Variants in ANO3 observed in about 807,000 individuals in gnomAD.
ANO3 encodes anoctamin 3, also known as anoctamin-3.
ANO3 carries 99 observed loss-of-function variants against 144.8 expected under a neutral mutation model. That is an observed-to-expected ratio of 0.68 (90% CI 0.58 to 0.81). ANO3 has a LOEUF of 0.81. Among genes scored for constraint, ANO3 ranks in the 30% least tolerant of loss-of-function variants. The pLI is 0.00. For missense variants in ANO3, 905 were observed against 1,202.2 expected, an observed-to-expected ratio of 0.75 and a Z score of 3.66; for synonymous variants, 414 against 392.6, an observed-to-expected ratio of 1.05 and a Z score of -0.64.
At position 26,230,147 on chromosome 11, in the gene ANO3, A is replaced by C. The variant is rs1852359602; in HGVS notation, c.154+40817A>C. ...AGACACATATATTATAATGAGAAAA[A>C]TCATGGAAGTGGATAGTTCAACAAA... On this transcript the variant is annotated intron_variant, in intron 1 of 27. Coordinates refer to the ANO3 transcript ENST00000672621. Among the ~76,000 whole-genome samples the C allele has an allele frequency of 3.9e-5, 6 of 152,212 alleles. No individual in the cohort carries two copies. The South Asian group carries it at 1.2e-3, about 31-fold the overall frequency.
At chr11:26,471,665 G>A (rs1271268694) in intron 4 of ANO3, among the ~76,000 whole-genome samples, 1 of 151,052 alleles carries the variant, frequency 6.6e-6, no homozygotes, top group Non-Finnish European at 1.5e-5. Flanking sequence ...TATAGCAGAG[G>A]GCTAGGAAGT....
chr11:26,443,798 T>C lies in ANO3; in HGVS notation c.275T>C (p.Leu92Pro). 6.2e-7 allele frequency: 1 copy of C among 1,608,086 alleles called. No homozygotes were observed. Among genetic ancestry groups the C allele is most frequent in the Non-Finnish European group, 8.5e-7 (1 of 1,175,480 alleles). The change falls in exon 3 of 27, where the codon CTG becomes CCG. Residue 92 changes from leucine (L) to proline (P), a missense_variant. Coordinates refer to ENST00000256737, the MANE Select transcript of ANO3 (RefSeq NM_031418.4). ...NTEENKNDSV[L>P]RCSFADLSDF... ...GAGGAGAATAAAAACGACTCTGTGC[T>C]GAGATGTTCATTTGCTGACCTCAGC...
At chr11:26,318,059 GAGAAC>G (rs5790569) in intron 1 of ANO3, among the ~76,000 whole-genome samples, 49,314 of 151,568 alleles carry the variant, frequency 0.33, 8,873 homozygotes, top group Non-Finnish European at 0.41. Flanking sequence ...GTTGAACAAT[GAGAAC>G]ACATGGACAC....
At chr11:26,643,603 A>G (rs929294687) in intron 23 of ANO3, among the ~76,000 whole-genome samples, 1 of 152,094 alleles carries the variant, frequency 6.6e-6, no homozygotes, top group African/African-American at 2.4e-5. Flanking sequence ...TAAAAATACA[A>G]AATTAGCCGG....
intron 1 of ANO3, among the ~76,000 whole-genome samples, chr11:26,365,954 T>TTATATATATATA (rs1158168765): frequency 5.5e-5 from 3 of 54,390 alleles, no homozygotes; most frequent in African/African-American, 2.0e-4. Context: ...CATTTTTTCT[T>TTATATATATATA]TATATATATA....
chr11:26,267,739 C>T (rs891213753), intron 1 of ANO3, among the ~76,000 whole-genome samples: 1 of 152,070 alleles, frequency 6.6e-6, no homozygotes, highest in African/African-American at 2.4e-5. Flanking sequence ...CTTGCCTTTC[C>T]TTTTGCTCCT....
At chr11:26,571,621 G>A (rs1182331094) in intron 14 of ANO3, among the ~76,000 whole-genome samples, 1 of 151,956 alleles carries the variant, frequency 6.6e-6, no homozygotes, top group African/African-American at 2.4e-5. Context: ...AATACTTAAA[G>A]CAAAAACCTT....
intron 17 of ANO3, among the ~76,000 whole-genome samples, chr11:26,604,399 T>C (rs1193703489): frequency 1.3e-5 from 2 of 152,200 alleles, no homozygotes; most frequent in African/African-American, 4.8e-5. Context: ...ATACGGGCTC[T>C]TCTTTGGTTT....
intron 1 of ANO3, among the ~76,000 whole-genome samples, chr11:26,325,266 A>G (rs994445812): frequency 1.2e-4 from 19 of 152,150 alleles, no homozygotes; most frequent in African/African-American, 4.6e-4. Context: ...AGCTTGCAAT[A>G]ACTAAAAATA....
chr11:26,516,934 T>C lies in ANO3; in HGVS notation c.692+7T>C. The C allele has an allele frequency of 1.3e-6, 2 of 1,571,248 alleles. No homozygotes were observed. Among genetic ancestry groups the C allele is most frequent in the South Asian group, 2.3e-5 (2 of 88,648 alleles). ...ATATCAGGATGCCCTTCAGGTACTT[T>C]CAAATTTTACTTTATTTTATCTCAA... On this transcript the variant is annotated splice_region_variant and intron_variant, in intron 6 of 26. Coordinates refer to ENST00000256737, the MANE Select transcript of ANO3 (RefSeq NM_031418.4).
intron 14 of ANO3, among the ~76,000 whole-genome samples, chr11:26,577,096 C>A (rs180681623): frequency 6.6e-6 from 1 of 151,966 alleles, no homozygotes; most frequent in African/African-American, 2.4e-5. Flanking sequence ...GTGATAGGAG[C>A]CATTTCACAA....
chr11:26,409,794 G>T (rs1268337811), intron 1 of ANO3, among the ~76,000 whole-genome samples: 1 of 151,958 alleles, frequency 6.6e-6, no homozygotes, highest in African/African-American at 2.4e-5. Flanking sequence ...TAAGTGATGT[G>T]ACATCCTCCT....
chr11:26,451,233 G>A (rs1004179696), intron 3 of ANO3, among the ~76,000 whole-genome samples: 31 of 152,264 alleles, frequency 2.0e-4, no homozygotes, highest in Middle Eastern at 3.4e-3. Context: ...GACAGTGGGC[G>A]CAGGTCAGTG....
At chr11:26,321,283 G>C (rs118172266) in intron 1 of ANO3, among the ~76,000 whole-genome samples, 1 of 151,650 alleles carries the variant, frequency 6.6e-6, no homozygotes, top group African/African-American at 2.4e-5. Flanking sequence ...ATAGACTTCC[G>C]TAACATTTTT....
chr11:26,551,181 G>A (rs761998571), intron 12 of ANO3, among the ~76,000 whole-genome samples: 2 of 151,750 alleles, frequency 1.3e-5, no homozygotes, highest in Non-Finnish European at 2.9e-5. Flanking sequence ...CAAGTGAGTG[G>A]GTCCAAACAT....
At chr11:26,614,616 C>T (rs1331258725) in intron 17 of ANO3, among the ~76,000 whole-genome samples, 1 of 152,156 alleles carries the variant, frequency 6.6e-6, no homozygotes, top group Non-Finnish European at 1.5e-5. Context: ...AGCTACTCTC[C>T]AGACTGGATT....
chr11:26,284,977 G>C (rs11824276), intron 1 of ANO3, among the ~76,000 whole-genome samples: 9,122 of 152,206 alleles, frequency 0.06, 502 homozygotes, highest in African/African-American at 0.14. Flanking sequence ...TTTGGCATAG[G>C]TGATCTCTAA....
chr11:26,297,760 C>T (rs541248118), intron 1 of ANO3, among the ~76,000 whole-genome samples: 1 of 152,274 alleles, frequency 6.6e-6, no homozygotes, highest in South Asian at 2.1e-4. Flanking sequence ...CTTCCAAGAA[C>T]TCCATGTGTA....
chr11:26,286,707 A>C (rs1203832910), intron 1 of ANO3, among the ~76,000 whole-genome samples: 1 of 152,150 alleles, frequency 6.6e-6, no homozygotes, highest in African/African-American at 2.4e-5. Flanking sequence ...AGTAATTGGC[A>C]ATGCGGGTGG....
Sources: gnomAD v4.1 joint callset for allele counts (sites outside exome capture counted in the v4.1 genomes callset) on GRCh38, gnomAD v4.1.1 for gene constraint, MANE v1.5 for transcripts, NCBI Gene and HGNC (gene_info 2026-07-23, HGNC 2026-07-21) for gene names.